Variants in KDM4B observed in about 807,000 individuals in gnomAD.
The protein encoded by KDM4B is lysine-specific demethylase 4B.
Under a neutral mutation model 125.2 loss-of-function variants are expected in KDM4B, and 32 were observed. The ratio of observed to expected loss-of-function variants is 0.26; its 90% CI spans 0.19 to 0.34. KDM4B has a LOEUF of 0.34. Among genes scored for constraint, KDM4B ranks in the 10% least tolerant of loss-of-function variants. The pLI is 1.00. For missense variants in KDM4B, 1,190 were observed against 1,577.7 expected, an observed-to-expected ratio of 0.75 and a Z score of 4.16; for synonymous variants, 721 against 677.9, an observed-to-expected ratio of 1.06 and a Z score of -0.99.
At chr19:5,038,580 G>A (rs529184702) in intron 3 of KDM4B, among the ~76,000 whole-genome samples, 3 of 152,330 alleles carry the variant, frequency 2.0e-5, no homozygotes, top group Non-Finnish European at 4.4e-5. Flanking sequence ...TCTTCTCCGC[G>A]TGTTCCAGTG....
rs551213682 is a variant in KDM4B at position 4,982,591 on chromosome 19, T to TTCTCTC, written c.-109+13377_-109+13382dup. Among the ~76,000 whole-genome samples the TTCTCTC allele has an allele frequency of 4.4e-3, 642 of 147,528 alleles. 7 individuals carry two copies. The highest frequency in any genetic ancestry group is 0.015 in the African/African-American group (607 of 40,606). On this transcript the variant is annotated intron_variant, in intron 1 of 22. Coordinates refer to ENST00000159111, the MANE Select transcript of KDM4B (RefSeq NM_015015.3). ...CTTGTCTGTATAACCAAAAGTGATG[T>TTCTCTC]TCTCTCTCTCTCTCTCTCTCTTTCT...
chr19:5,129,795 G>A (rs1435933434), intron 11 of KDM4B, among the ~76,000 whole-genome samples: 1 of 152,184 alleles, frequency 6.6e-6, no homozygotes, highest in Non-Finnish European at 1.5e-5. Context: ...AGCAGGCAGG[G>A]CCCCAGGGCC....
intron 1 of KDM4B, among the ~76,000 whole-genome samples, chr19:4,991,883 G>A (rs182167962): frequency 6.6e-5 from 10 of 152,250 alleles, no homozygotes; most frequent in Admixed American, 5.9e-4. Context: ...GGGTTTTTTC[G>A]CTTGCAATCT....
At chr19:5,104,367 G>T (rs2038995675) in intron 9 of KDM4B, among the ~76,000 whole-genome samples, 1 of 152,344 alleles carries the variant, frequency 6.6e-6, no homozygotes. Context: ...CATTAATTCA[G>T]AGCCTATAAT....
intron 6 of KDM4B, among the ~76,000 whole-genome samples, chr19:5,050,964 C>T (rs763857063): frequency 1.1e-4 from 17 of 152,226 alleles, no homozygotes; most frequent in African/African-American, 2.6e-4. Context: ...GTGGTTTAGC[C>T]GAGCTGACCC....
intron 21 of KDM4B, among the ~76,000 whole-genome samples, chr19:5,146,375 C>T (rs1264592314): frequency 6.6e-6 from 1 of 152,248 alleles, no homozygotes; most frequent in African/African-American, 2.4e-5. Flanking sequence ...TTCCCTGCTC[C>T]TTGAGAAGGG....
chr19:5,010,848 A>C (rs1033582899), intron 1 of KDM4B, among the ~76,000 whole-genome samples: 2 of 152,050 alleles, frequency 1.3e-5, no homozygotes, highest in African/African-American at 4.8e-5. Flanking sequence ...GGGTTTCACC[A>C]TGTTGCACAG....
intron 1 of KDM4B, among the ~76,000 whole-genome samples, chr19:4,990,496 C>A (rs73538579): frequency 6.6e-6 from 1 of 152,084 alleles, no homozygotes; most frequent in Non-Finnish European, 1.5e-5. Flanking sequence ...GGCAGCGTGG[C>A]GAGGAGATGG....
chr19:5,013,014 C>G (rs550859354), intron 1 of KDM4B, among the ~76,000 whole-genome samples: 1 of 152,352 alleles, frequency 6.6e-6, no homozygotes, highest in East Asian at 1.9e-4. Flanking sequence ...GGACAGAGGC[C>G]TAGGCTCGGG....
chr19:5,116,234 C>CT (rs1289725076), intron 10 of KDM4B, among the ~76,000 whole-genome samples: 69 of 31,606 alleles, frequency 2.2e-3, no homozygotes, highest in Non-Finnish European at 2.2e-3. Context: ...GACCACATCT[C>CT]TAAAAAAAAA....
intron 1 of KDM4B, among the ~76,000 whole-genome samples, chr19:4,995,783 AG>A (rs1289275264): frequency 1.3e-5 from 2 of 151,988 alleles, no homozygotes; most frequent in Admixed American, 1.3e-4. Flanking sequence ...TTTTTATAAA[AG>A]GGATATGTAA....
At chr19:5,064,293 T>C (rs1004370850) in intron 6 of KDM4B, among the ~76,000 whole-genome samples, 20 of 152,202 alleles carry the variant, frequency 1.3e-4, no homozygotes, top group Non-Finnish European at 1.8e-4. Context: ...TCTGCCTCCC[T>C]CATTCTGTGT....
intron 2 of KDM4B, among the ~76,000 whole-genome samples, chr19:5,018,874 C>T (rs1322926979): frequency 6.6e-6 from 1 of 152,246 alleles, no homozygotes; most frequent in African/African-American, 2.4e-5. Context: ...TTCATCCACT[C>T]CGTGGCCTGC....
At chr19:5,012,467 C>A (rs1418449884) in intron 1 of KDM4B, among the ~76,000 whole-genome samples, 18 of 152,196 alleles carry the variant, frequency 1.2e-4, no homozygotes. Flanking sequence ...TTCCTCGTGG[C>A]CCGTAGCCGT....
At chr19:4,972,726 C>T (rs2034303632) in intron 1 of KDM4B, among the ~76,000 whole-genome samples, 1 of 152,226 alleles carries the variant, frequency 6.6e-6, no homozygotes, top group African/African-American at 2.4e-5. Context: ...TTCTTTCCTC[C>T]CCACTCACCC....
chr19:5,125,896 TC>T (rs2146037630), intron 11 of KDM4B, among the ~76,000 whole-genome samples: 1 of 152,014 alleles, frequency 6.6e-6, no homozygotes, highest in South Asian at 2.1e-4. Flanking sequence ...GAGCCCGAAG[TC>T]CCAGGAGCCT....
At chr19:5,019,882 T>G (rs1437612840) in intron 2 of KDM4B, among the ~76,000 whole-genome samples, 2 of 136,690 alleles carry the variant, frequency 1.5e-5, no homozygotes, top group Non-Finnish European at 3.1e-5. Context: ...GTGCAGGTGT[T>G]GGTGTGCAGG....
chr19:4,993,236 C>T (rs1224395761), intron 1 of KDM4B, among the ~76,000 whole-genome samples: 1 of 152,054 alleles, frequency 6.6e-6, no homozygotes, highest in Non-Finnish European at 1.5e-5. Flanking sequence ...AAGGCAAAAC[C>T]CTGTCTCTAC....
intron 9 of KDM4B, among the ~76,000 whole-genome samples, chr19:5,110,108 G>A (rs536061224): frequency 1.3e-5 from 2 of 152,270 alleles, no homozygotes; most frequent in South Asian, 2.1e-4. Flanking sequence ...CTCAGTGGCC[G>A]TTCCAACTCC....
Sources: allele counts gnomAD v4.1 joint callset (sites outside exome capture counted in the v4.1 genomes callset), GRCh38; gene constraint gnomAD v4.1.1; transcripts MANE v1.5; gene names NCBI Gene and HGNC (gene_info 2026-07-23, HGNC 2026-07-21).